Variants in VWA3B observed in about 807,000 individuals in gnomAD.
VWA3B encodes the protein von Willebrand factor A domain containing 3B.
VWA3B carries 138 observed loss-of-function variants against 158.3 expected under a neutral mutation model. The observed-to-expected ratio is 0.87, with a 90% CI of 0.76 to 1.00. VWA3B has a LOEUF of 1.00. Ranked by LOEUF, VWA3B falls within the 50% of genes least tolerant of loss-of-function variation. The pLI, the probability that VWA3B is intolerant of heterozygous loss-of-function variation, is 0.00. For synonymous variants in VWA3B, 596 were observed against 587.3 expected, an observed-to-expected ratio of 1.01 and a Z score of -0.21; for missense variants, 1,555 against 1,565.1, an observed-to-expected ratio of 0.99 and a Z score of 0.11.
rs527589038 is a variant in VWA3B, at chr2:98,200,370, G to A, written c.1737+5878G>A. On this transcript the variant is annotated intron_variant, in intron 12 of 27. Coordinates refer to ENST00000477737, the MANE Select transcript of VWA3B (RefSeq NM_144992.5). The stretch of plus-strand genomic sequence containing the variant: ...AGCCTGGCCAACATGGTGAAACCCC[G>A]TCTCTACTAAAACTACAAAAAATAA... Among the ~76,000 whole-genome samples the A allele has an allele frequency of 2.6e-3, 393 of 152,042 alleles. 2 individuals carry two copies. The highest frequency in any genetic ancestry group is 4.6e-3 in the Non-Finnish European group (310 of 67,992).
intron 19 of VWA3B, among the ~76,000 whole-genome samples, chr2:98,249,613 T>C (rs1045917003): frequency 6.6e-6 from 1 of 151,804 alleles, no homozygotes; most frequent in Admixed American, 6.6e-5. Flanking sequence ...TACCATCTTT[T>C]CCCCCCGGAG....
At chr2:98,191,717 T>C (rs970267013) in intron 10 of VWA3B, among the ~76,000 whole-genome samples, 1 of 152,230 alleles carries the variant, frequency 6.6e-6, no homozygotes, top group African/African-American at 2.4e-5. Context: ...GATTTCTTCC[T>C]TGGCTTCAGT....
chr2:98,222,208 A>G (rs1195259759), intron 14 of VWA3B, among the ~76,000 whole-genome samples: 1 of 152,204 alleles, frequency 6.6e-6, no homozygotes, highest in African/African-American at 2.4e-5. Flanking sequence ...TACCCTTAAG[A>G]GAAAACTGTC....
chr2:98,246,753 T>C lies in VWA3B; in HGVS notation c.2674-3565T>C, dbSNP rs527933692. On this transcript the variant is annotated intron_variant, in intron 19 of 27. Transcript: ENST00000477737. ...GTTTAAAACTTTATAGAAATGGTAT[T>C]ACACTGGAAGCACCATTATGAAACT... is the stretch of plus-strand genomic sequence containing the variant. Among the ~76,000 whole-genome samples, 24 of 152,268 alleles carry C rather than the reference T, an allele frequency of 1.6e-4. No individual in the cohort carries two copies. The South Asian group carries it at 5.0e-3, about 32-fold the overall frequency.
At chr2:98,145,609 A>G (rs1391186368) in intron 7 of VWA3B, among the ~76,000 whole-genome samples, 1 of 151,894 alleles carries the variant, frequency 6.6e-6, no homozygotes, top group Non-Finnish European at 1.5e-5. Context: ...TAAGCACTTT[A>G]TTTCTGCCTG....
rs571470277 is a variant in VWA3B at position 98,306,480 on chromosome 2, T to C, written c.3521+2678T>C. Among the ~76,000 whole-genome samples, 5 of 152,218 alleles carry C rather than the reference T, an allele frequency of 3.3e-5. No homozygotes were observed. In the South Asian group the frequency reaches 1.0e-3, roughly 32 times the overall value. On this transcript the variant is annotated intron_variant, in intron 26 of 27. Transcript: ENST00000477737. The stretch of plus-strand genomic sequence containing the variant: ...TCCTTAGCTATGATTATCAAAAACG[T>C]ATGCTACAATTCTCCATTCTTTGTC...
chr2:98,267,521 C>G (rs1278107292), intron 21 of VWA3B, among the ~76,000 whole-genome samples: 7 of 152,042 alleles, frequency 4.6e-5, no homozygotes, highest in Admixed American at 3.9e-4. Context: ...ACCAGAATCT[C>G]TGGGACGCAT....
Position 98,128,270 on chromosome 2 carries a change from A to G in VWA3B, c.734A>G (p.Asp245Gly), listed in dbSNP as rs892387366. ...IESIYYFVVG[D>G]VPEESKELLL... ...TCCATTTACTACTTTGTGGTGGGGG[A>G]TGTTCCTGAAGAATCCAAGGAGCTT... Residue 245 changes from aspartate (D) to glycine (G), a missense_variant, in exon 6 of 28, where the codon GAT becomes GGT. Asp to Gly is a moderately conservative substitution (Grantham distance 94, BLOSUM62 -1). Transcript: ENST00000477737. 1.9e-6 allele frequency: 3 copies of G among 1,614,092 alleles called. No homozygotes were observed. The Admixed American group carries it at 5.0e-5, about 27-fold the overall frequency.
At chr2:98,272,761 C>T (rs971683940) in intron 22 of VWA3B, among the ~76,000 whole-genome samples, 4 of 152,230 alleles carry the variant, frequency 2.6e-5, no homozygotes, top group African/African-American at 9.6e-5. Context: ...TATATATATG[C>T]CATGTAAATA....
chr2:98,250,542 C>G, intron 20 of VWA3B, 106 bp downstream of exon 20: 1 of 948,354 alleles, frequency 1.1e-6, no homozygotes, highest in Non-Finnish European at 1.5e-6. Context: ...AATGAAGCAG[C>G]TATTTAAAAA....
intron 13 of VWA3B, chr2:98,216,983 C>CCCCA (rs1553417722): frequency 2.3e-5 from 27 of 1,162,104 alleles, no homozygotes; most frequent in South Asian, 2.8e-5. Flanking sequence ...ATTGTAAGCA[C>CCCCA]CCGCCCCGCA....
chr2:98,145,932 G>A (rs907196592), intron 7 of VWA3B, among the ~76,000 whole-genome samples: 15 of 151,780 alleles, frequency 9.9e-5, no homozygotes, highest in South Asian at 2.1e-4. Flanking sequence ...GGGGGATCTC[G>A]CTATGTTTTC....
chr2:98,236,380 C>T lies in VWA3B; in HGVS notation c.2429-10C>T. 5 of 1,614,090 alleles carry T rather than the reference C, an allele frequency of 3.1e-6. No homozygotes were observed. Among genetic ancestry groups the T allele is most frequent in the Non-Finnish European group, 4.2e-6 (5 of 1,180,012 alleles). The stretch of plus-strand genomic sequence containing the variant: ...AGGAAAATATACAACTGCCACTTCC[C>T]CTTCCACAGAAATGAGCATCTTGCT... On this transcript the variant is annotated splice_polypyrimidine_tract_variant and intron_variant, in intron 17 of 27. Transcript: ENST00000477737.
chr2:98,101,931 G>A (rs1269333833), intron 2 of VWA3B, among the ~76,000 whole-genome samples: 1 of 151,286 alleles, frequency 6.6e-6, no homozygotes, highest in Non-Finnish European at 1.5e-5. Context: ...AGGGGGATGT[G>A]GCAGGGTCAT....
At chr2:98,154,736 C>A (rs970237037) in intron 7 of VWA3B, among the ~76,000 whole-genome samples, 3 of 152,190 alleles carry the variant, frequency 2.0e-5, no homozygotes, top group African/African-American at 7.2e-5. Context: ...AGAGAGAAAC[C>A]CTCAAAACTC....
At chr2:98,222,082 G>T (rs895046212) in intron 14 of VWA3B, among the ~76,000 whole-genome samples, 14 of 152,042 alleles carry the variant, frequency 9.2e-5, no homozygotes, top group African/African-American at 3.4e-4. Flanking sequence ...CCCCACGGTG[G>T]TCCTCCCCAT....
chr2:98,163,102 A>G, intron 8 of VWA3B, 126 bp downstream of exon 8: 1 of 1,445,122 alleles, frequency 6.9e-7, no homozygotes, highest in Non-Finnish European at 9.3e-7. Flanking sequence ...TGCTGAGGAG[A>G]GCAGCCAGAG....
chr2:98,116,257 G>A (rs568792508), intron 3 of VWA3B, among the ~76,000 whole-genome samples: 3 of 152,246 alleles, frequency 2.0e-5, no homozygotes, highest in Admixed American at 6.5e-5. Context: ...GTCCCATCAC[G>A]TCCATTTATG....
At chr2:98,198,256 T>C (rs1682229767) in intron 12 of VWA3B, among the ~76,000 whole-genome samples, 1 of 152,206 alleles carries the variant, frequency 6.6e-6, no homozygotes, top group Non-Finnish European at 1.5e-5. Flanking sequence ...TATTTACTTA[T>C]ATTTTCAACC....
Sources: allele counts gnomAD v4.1 joint callset (sites outside exome capture counted in the v4.1 genomes callset), GRCh38; gene constraint gnomAD v4.1.1; transcripts MANE v1.5; gene names NCBI Gene and HGNC (gene_info 2026-07-23, HGNC 2026-07-21).